Variants in RAP1A observed in about 807,000 individuals in gnomAD.
RAP1A encodes ras-related protein Rap-1A.
A neutral mutation model predicts 26.4 loss-of-function variants in RAP1A; 6 were observed. That is an observed-to-expected ratio of 0.23 (90% CI 0.12 to 0.45). The LOEUF (loss-of-function observed/expected upper bound fraction) is 0.45. RAP1A is among the 20% of genes least tolerant of loss of function. The pLI is 0.99. For synonymous variants in RAP1A, 73 were observed against 79.4 expected (o/e 0.92, Z 0.43); for missense variants, 121 against 217.2 (o/e 0.56, Z 2.78).
At chr1:111,569,348 G>A (rs1332362091) in intron 1 of RAP1A, among the ~76,000 whole-genome samples, 3 of 147,216 alleles carry the variant, frequency 2.0e-5, no homozygotes, top group Non-Finnish European at 3.0e-5. Flanking sequence ...GCAGTTAGCC[G>A]AGATCGCACC....
chr1:111,591,076 T>C lies in RAP1A; in HGVS notation c.-28+48567T>C, dbSNP rs111342158. Among the ~76,000 whole-genome samples the C allele has an allele frequency of 1.4e-3, 206 of 152,332 alleles. 1 individual carries two copies. The highest frequency in any genetic ancestry group is 4.7e-3 in the African/African-American group (196 of 41,594). ...CAATTCAACGTTTTAAAAATAGCTA[T>C]AGTTTTCTAATTAGATTTTCTGTTT... On this transcript the variant is annotated intron_variant, in intron 1 of 7. Transcript: ENST00000356415.
At chr1:111,598,598 T>C (rs1325591803) in intron 1 of RAP1A, among the ~76,000 whole-genome samples, 1 of 152,142 alleles carries the variant, frequency 6.6e-6, no homozygotes, top group Non-Finnish European at 1.5e-5. Context: ...GTAGAAAAAT[T>C]CAAACTGTGT....
At position 111,591,073 on chromosome 1, in the gene RAP1A, C is replaced by T. The variant is rs568151918; in HGVS notation, c.-28+48564C>T. On this transcript the variant is annotated intron_variant, in intron 1 of 7. Transcript: ENST00000356415. ...TACCAATTCAACGTTTTAAAAATAG[C>T]TATAGTTTTCTAATTAGATTTTCTG... is the stretch of plus-strand genomic sequence containing the variant. 1.6e-4 allele frequency among the ~76,000 whole-genome samples: 25 copies of T among 152,204 alleles called. No individual in the cohort carries two copies. In the East Asian group the frequency reaches 4.4e-3, roughly 27 times the overall value.
At chr1:111,607,024 T>C (rs1157155813) in intron 1 of RAP1A, among the ~76,000 whole-genome samples, 3 of 151,300 alleles carry the variant, frequency 2.0e-5, no homozygotes, top group East Asian at 1.9e-4. Flanking sequence ...TATTTATTTA[T>C]TTATTTATTT....
chr1:111,545,695 C>G (rs1455575720), intron 1 of RAP1A, among the ~76,000 whole-genome samples: 1 of 151,986 alleles, frequency 6.6e-6, no homozygotes, highest in East Asian at 1.9e-4. Flanking sequence ...GAAACCATTA[C>G]CTAATCTAAG....
intron 1 of RAP1A, among the ~76,000 whole-genome samples, chr1:111,613,986 A>G (rs574497327): frequency 1.3e-5 from 2 of 152,350 alleles, no homozygotes; most frequent in African/African-American, 2.4e-5. Flanking sequence ...CGAAACATTT[A>G]CTAAGAACCT....
intron 1 of RAP1A, among the ~76,000 whole-genome samples, chr1:111,671,540 T>A (rs879406207): frequency 1.3e-5 from 2 of 152,180 alleles, no homozygotes; most frequent in Non-Finnish European, 1.5e-5. Context: ...GGTGGCGTGA[T>A]CTTGGCTCAC....
At chr1:111,617,358 C>G (rs1483821756), upstream of RAP1A, among the ~76,000 whole-genome samples, 1 of 152,182 alleles carries the variant, frequency 6.6e-6, no homozygotes, top group Non-Finnish European at 1.5e-5. Flanking sequence ...AACCCTTTCA[C>G]TTCTGTGCTA....
In RAP1A at chr1:111,648,205, ATTT is replaced by A. The variant is rs34499342; in HGVS notation, c.-28+28282_-28+28284del. 1,052 of 270,338 alleles carry A rather than the reference ATTT, an allele frequency of 3.9e-3. 1 individual carries two copies. The highest frequency in any genetic ancestry group is 8.5e-3 in the South Asian group (215 of 25,436). 16.7% of individuals were successfully genotyped at this position (270,338 alleles called of 1,614,324 possible). A position where few individuals can be genotyped will look rare whatever the true frequency, so the allele number is the denominator to read the frequency against. On this transcript the variant is annotated intron_variant, in intron 1 of 7. Transcript: ENST00000369709. ...TGTGTGTGTGTGTGTGTGTGTGTGT[ATTT>A]TTTTTTTTTTGACTTCCAGTGACCT... is the stretch of plus-strand genomic sequence containing the variant.
chr1:111,598,063 AT>A (rs1658593078), intron 1 of RAP1A, among the ~76,000 whole-genome samples: 1 of 152,178 alleles, frequency 6.6e-6, no homozygotes, highest in Non-Finnish European at 1.5e-5. Context: ...CTATGATGTA[AT>A]CATCCTCCTT....
At chr1:111,588,901 A>G (rs1249953244) in intron 1 of RAP1A, among the ~76,000 whole-genome samples, 1 of 152,254 alleles carries the variant, frequency 6.6e-6, no homozygotes, top group Non-Finnish European at 1.5e-5. Context: ...TGAATAAACC[A>G]CTGAGCTTTT....
intron 1 of RAP1A, among the ~76,000 whole-genome samples, chr1:111,689,749 A>G (rs961946775): frequency 6.6e-6 from 1 of 152,116 alleles, no homozygotes; most frequent in Admixed American, 6.6e-5. Context: ...AGCTCACTGC[A>G]AGCTCCGTCT....
At chr1:111,695,935 A>G (rs72991081) in intron 3 of RAP1A, among the ~76,000 whole-genome samples, 1,654 of 152,278 alleles carry the variant, frequency 0.011, 25 homozygotes, top group African/African-American at 0.038. Flanking sequence ...GGTGATAACG[A>G]TGTGTTCATG....
At chr1:111,687,930 T>C (rs1353040996) in intron 1 of RAP1A, among the ~76,000 whole-genome samples, 2 of 150,326 alleles carry the variant, frequency 1.3e-5, no homozygotes, top group Non-Finnish European at 3.0e-5. Context: ...GGTGGGAGGA[T>C]TGCGTGAGCC....
At chr1:111,696,085 T>A (rs759160479) in intron 3 of RAP1A, among the ~76,000 whole-genome samples, 3 of 152,140 alleles carry the variant, frequency 2.0e-5, no homozygotes, top group Non-Finnish European at 4.4e-5. Context: ...CTAAAACTGC[T>A]CTAATAAAGT....
chr1:111,661,288 A>G (rs1201003330), intron 1 of RAP1A, among the ~76,000 whole-genome samples: 2 of 152,182 alleles, frequency 1.3e-5, no homozygotes, highest in Non-Finnish European at 2.9e-5. Flanking sequence ...TCATTTTACA[A>G]AGTTCATTTT....
In RAP1A at chr1:111,676,484, A is replaced by G. The variant is rs913560669; in HGVS notation, c.-27-14850A>G. On this transcript the variant is annotated intron_variant, in intron 1 of 7. Coordinates refer to ENST00000369709, the MANE Select transcript of RAP1A (RefSeq NM_002884.4). ...GATTTGGGTGGGGACACAGAGCCAA[A>G]CCATATCAGTATGTATCTAGTATTC... Among the ~76,000 whole-genome samples, 3 of 152,162 alleles carry G rather than the reference A, an allele frequency of 2.0e-5. No homozygotes were observed. In the South Asian group the frequency reaches 6.2e-4, roughly 32 times the overall value.
rs1331168332 is a variant in RAP1A at position 111,695,324 on chromosome 1, C to T, written c.58-17C>T. ...TTTCCTTTAATTTTTTAATATTTCTCTTTTTTTTTCCCCCAGACAGTTCAG... is the reference window on the plus strand; with the variant it reads ...TTTCCTTTAATTTTTTAATATTTCTTTTTTTTTTTCCCCCAGACAGTTCAG... On this transcript the variant is annotated splice_polypyrimidine_tract_variant and intron_variant, in intron 2 of 7. Coordinates refer to ENST00000369709, the MANE Select transcript of RAP1A (RefSeq NM_002884.4). 11 of 1,465,750 alleles carry T rather than the reference C, an allele frequency of 7.5e-6. No individual in the cohort carries two copies. Among genetic ancestry groups the T allele is most frequent in the Non-Finnish European group, 1.0e-5 (11 of 1,088,408 alleles). 90.8% of individuals were successfully genotyped at this position (1,465,750 alleles called of 1,614,324 possible). A position where few individuals can be genotyped will look rare whatever the true frequency, so the allele number is the denominator to read the frequency against.
chr1:111,551,160 A>G (rs1657240264), intron 1 of RAP1A, among the ~76,000 whole-genome samples: 1 of 152,130 alleles, frequency 6.6e-6, no homozygotes, highest in Non-Finnish European at 1.5e-5. Context: ...CAAACAGCAT[A>G]TAGTTGGATC....
Sources: gnomAD v4.1 joint callset for allele counts (sites outside exome capture counted in the v4.1 genomes callset) on GRCh38, gnomAD v4.1.1 for gene constraint, MANE v1.5 for transcripts, NCBI Gene and HGNC (gene_info 2026-07-23, HGNC 2026-07-21) for gene names.